The following ZNF14 variants were observed in gnomAD, a reference collection of about 807,000 sequenced individuals.
ZNF14 encodes the protein gonadotropin inducible transcription repressor-4.
ZNF14 carries 9 observed loss-of-function variants against 11.3 expected under a neutral mutation model. The observed-to-expected ratio is 0.80, with a 90% CI of 0.48 to 1.39. ZNF14 has a LOEUF of 1.39. ZNF14 is among the 40% of genes most tolerant of loss of function. The pLI is 0.00. For missense variants in ZNF14, 711 were observed against 763.9 expected, an observed-to-expected ratio of 0.93 and a Z score of 0.82; for synonymous variants, 239 against 245.7, an observed-to-expected ratio of 0.97 and a Z score of 0.25.
rs3752153 is a variant in ZNF14 at position 19,712,145 on chromosome 19, C to T, written c.1136G>A (p.Arg379Gln). 1.7e-4 allele frequency: 273 copies of T among 1,613,988 alleles called. 2 individuals are homozygous for T. The East Asian group carries it at 4.6e-3, about 27-fold the overall frequency. The change falls in exon 4 of 4, where the codon CGA becomes CAA. Residue 379 changes from arginine to glutamine, a missense_variant. Transcript: ENST00000344099. ...GKSFSWSISL[R>Q]LHERTHTGEK... ...TCCAGTATGAGTTCTTTCATGCAAT[C>T]GAAGAGAAATGGACCAACTGAATGA...
chr19:19,721,193 T>C (rs1260235740), intron 1 of ZNF14, among the ~76,000 whole-genome samples: 4 of 151,942 alleles, frequency 2.6e-5, no homozygotes, highest in South Asian at 2.1e-4. Context: ...CCTGACCTCA[T>C]GATCTGCCCG....
Position 19,733,086 on chromosome 19 carries a change from T to C in ZNF14, c.-128A>G, listed in dbSNP as rs559245928. On this transcript the variant is annotated 5_prime_UTR_variant, in exon 1 of 4. The change abolishes an upstream ATG in the 5' untranslated region. Transcript: ENST00000344099. ...GAGCAGGTGAAACGCAATCTTCCCA[T>C]GGGCCAGGAATGGCGACGTCCGCAC... The C allele has an allele frequency of 2.4e-5, 30 of 1,259,714 alleles. No homozygotes were observed. Among genetic ancestry groups the C allele is most frequent in the East Asian group, 1.0e-4 (4 of 38,630 alleles). 78.0% of individuals were successfully genotyped at this position (1,259,714 alleles called of 1,614,324 possible). A position where few individuals can be genotyped will look rare whatever the true frequency, so the allele number is the denominator to read the frequency against.
rs1311249533 is a variant in ZNF14 at position 19,711,412 on chromosome 19, G to C, written c.1869C>G (p.Ala623=). The C allele has an allele frequency of 6.3e-7, 1 of 1,598,540 alleles. No homozygotes were observed. Among genetic ancestry groups the C allele is most frequent in the Admixed American group, 1.8e-5 (1 of 56,432 alleles). Residue 623 remains alanine, a synonymous_variant, in exon 4 of 4, where the codon GCC becomes GCG. Coordinates refer to ENST00000344099, the MANE Select transcript of ZNF14 (RefSeq NM_021030.3). ...KPYECKQCGK[A]FISSSHFRLH... The stretch of plus-strand genomic sequence containing the variant: ...GTCGAAAGTGACTGGAAGAAATGAA[G>C]GCTTTTCCACATTGTTTGCATTCAT...
At position 19,711,472 on chromosome 19, in the gene ZNF14, T is replaced by C. The variant is rs1416172554; in HGVS notation, c.1809A>G (p.Arg603=). 3 of 1,613,850 alleles carry C rather than the reference T, an allele frequency of 1.9e-6. No individual in the cohort carries two copies. The East Asian group carries it at 6.7e-5, about 36-fold the overall frequency. The stretch of plus-strand genomic sequence containing the variant: ...CTCCAGTGTGAGACCTTTCATGAAT[T>C]CGAACAGAACTTGAAAATCTGAAGG... ...GKAFRFSSSV[R]IHERSHTGEK... Residue 603 remains arginine, a synonymous_variant, in exon 4 of 4, where the codon CGA becomes CGG. Coordinates refer to ENST00000344099, the MANE Select transcript of ZNF14 (RefSeq NM_021030.3).
intron 1 of ZNF14, among the ~76,000 whole-genome samples, chr19:19,718,774 T>C (rs1173912775): frequency 6.6e-6 from 1 of 152,104 alleles, no homozygotes; most frequent in Non-Finnish European, 1.5e-5. Flanking sequence ...TAAGTCAGAC[T>C]CTTTTTTTTG....
rs35810516 is a variant in ZNF14, at chr19:19,720,341, CTT to C, written c.4-5856_4-5855del. 1.1e-4 allele frequency among the ~76,000 whole-genome samples: 16 copies of C among 142,128 alleles called. No homozygotes were observed. The highest frequency in any genetic ancestry group is 1.5e-4 in the Non-Finnish European group (10 of 65,054). The allele number at this position is 142,128 out of a possible 152,430, so 93.2% of individuals were successfully genotyped here. A position where few individuals can be genotyped will look rare whatever the true frequency, so the allele number is the denominator to read the frequency against. ...CCACATTCTGGAACATAAAACATAT[CTT>C]TTTTTTTTTTTTTTGAGATGGAGTC... is the stretch of plus-strand genomic sequence containing the variant. On this transcript the variant is annotated intron_variant, in intron 1 of 3. Coordinates refer to ENST00000344099, the MANE Select transcript of ZNF14 (RefSeq NM_021030.3). This position sits in a 1 kb window ranked among gnomAD's most constrained non-coding sequence, Gnocchi z 4.1.
rs1388737979 is a variant in ZNF14 at position 19,714,753 on chromosome 19, C to T, written c.4-266G>A. On this transcript the variant is annotated intron_variant, in intron 1 of 3. Transcript: ENST00000344099. ...TTGAGACAGAGTCTTGCTTTATTGC[C>T]CAGGCTGGAGTTCAGTGGTGCGATC... 2.7e-5 allele frequency among the ~76,000 whole-genome samples: 3 copies of T among 110,128 alleles called. No individual in the cohort carries two copies. In the East Asian group the frequency reaches 8.0e-4, roughly 29 times the overall value. 72.2% of individuals were successfully genotyped at this position (110,128 alleles called of 152,430 possible).
intron 1 of ZNF14, among the ~76,000 whole-genome samples, chr19:19,716,374 C>A (rs1221778311): frequency 2.0e-5 from 3 of 152,130 alleles, no homozygotes; most frequent in African/African-American, 4.8e-5. Context: ...CTGCAACCTT[C>A]GCCTCCCAGG....
intron 1 of ZNF14, among the ~76,000 whole-genome samples, chr19:19,719,767 C>T (rs971863701): frequency 6.6e-6 from 1 of 152,000 alleles, no homozygotes; most frequent in Non-Finnish European, 1.5e-5. Context: ...TGTTAAACAT[C>T]AATGGTCTAA....
chr19:19,714,081 T>C lies in ZNF14; in HGVS notation c.191+10A>G. ...CCACGGGCCACTATTTTTCTGTGGA[T>C]GCAACTCACCTTCGATTTTTCCCCT... On this transcript the variant is annotated intron_variant, in intron 3 of 3. Transcript: ENST00000344099. The C allele has an allele frequency of 6.2e-7, 1 of 1,612,788 alleles. No individual in the cohort carries two copies. Among genetic ancestry groups the C allele is most frequent in the South Asian group, 1.1e-5 (1 of 90,686 alleles).
chr19:19,714,616 A>T (rs1023876077), intron 1 of ZNF14, 129 bp from the exon 2 acceptor site: 2 of 1,054,812 alleles, frequency 1.9e-6, no homozygotes, highest in African/African-American at 3.2e-5. Context: ...CTCAGCTGTC[A>T]GAACTACGAC....
intron 1 of ZNF14, 137 bp downstream of exon 1, chr19:19,732,819 G>A: frequency 5.1e-6 from 6 of 1,165,590 alleles, no homozygotes; most frequent in Non-Finnish European, 7.2e-6. Flanking sequence ...CCCACAGAGA[G>A]GACCGAGGGC....
At chr19:19,723,408 A>G (rs1172017269) in intron 1 of ZNF14, among the ~76,000 whole-genome samples, 4 of 152,234 alleles carry the variant, frequency 2.6e-5, no homozygotes, top group Non-Finnish European at 4.4e-5. Flanking sequence ...ATGTTGAACC[A>G]GCCTTGCATC....
At chr19:19,729,255 T>C (rs1009550229) in intron 1 of ZNF14, among the ~76,000 whole-genome samples, 4 of 150,418 alleles carry the variant, frequency 2.7e-5, no homozygotes, top group Non-Finnish European at 3.0e-5. Context: ...GGATTACAGG[T>C]GTGAGCCATT....
In ZNF14 at chr19:19,714,407, G is replaced by A. The variant is rs1207668976; in HGVS notation, c.84C>T (p.Leu28=). Residue 28 remains leucine, a synonymous_variant, in exon 2 of 4, where the codon CTC becomes CTT. Transcript: ENST00000344099. ...WALLDSSQKK[L]YEDVMQETFK... ...AGGTCTCCTGCATCACATCTTCATA[G>A]AGCTTTTTCTGTGAAGAATCCAGCA... 4.3e-6 allele frequency: 7 copies of A among 1,614,080 alleles called. No individual in the cohort carries two copies. The highest frequency in any genetic ancestry group is 1.7e-4 in the Middle Eastern group (1 of 6,056).
intron 1 of ZNF14, among the ~76,000 whole-genome samples, chr19:19,726,619 A>G (rs1171094146): frequency 7.5e-6 from 1 of 133,786 alleles, no homozygotes; most frequent in Non-Finnish European, 1.7e-5. Flanking sequence ...AAGCTGTCAG[A>G]CAGGGACATT....
chr19:19,722,682 A>G (rs2062396225), intron 1 of ZNF14, among the ~76,000 whole-genome samples: 3 of 152,164 alleles, frequency 2.0e-5, no homozygotes, highest in South Asian at 2.1e-4. Flanking sequence ...CATTTTCACT[A>G]TATTGATTCT....
In ZNF14 at chr19:19,720,579, G is replaced by A. The variant is rs1342874017; in HGVS notation, c.4-6092C>T. Among the ~76,000 whole-genome samples, 1 of 152,102 alleles carries A rather than the reference G, an allele frequency of 6.6e-6. No homozygotes were observed. Among genetic ancestry groups the A allele is most frequent in the Non-Finnish European group, 1.5e-5 (1 of 68,016 alleles). On this transcript the variant is annotated intron_variant, in intron 1 of 3. Coordinates refer to ENST00000344099, the MANE Select transcript of ZNF14 (RefSeq NM_021030.3). The surrounding 1 kb of genome is among the most constrained non-coding windows in gnomAD (Gnocchi z 4.1). Reference sequence around the variant, plus strand: ...GCTGGTCTCAAGGTCCTGACCTCAAGTGATCTGTCCGCCTCGGCCTCCCAA... The same window carrying A: ...GCTGGTCTCAAGGTCCTGACCTCAAATGATCTGTCCGCCTCGGCCTCCCAA...
At chr19:19,730,269 C>T (rs1232269852) in intron 1 of ZNF14, among the ~76,000 whole-genome samples, 4 of 151,982 alleles carry the variant, frequency 2.6e-5, no homozygotes, top group Non-Finnish European at 2.9e-5. Context: ...TCAGGTGATC[C>T]GCCCGCCTCG....
Sources: allele counts gnomAD v4.1 joint callset (sites outside exome capture counted in the v4.1 genomes callset), GRCh38; gene constraint gnomAD v4.1.1; non-coding constraint Gnocchi (gnomAD v3.1); transcripts MANE v1.5; gene names NCBI Gene and HGNC (gene_info 2026-07-23, HGNC 2026-07-21).